Variants in CNTN4 observed in about 807,000 individuals in gnomAD.
The protein encoded by CNTN4 is contactin 4, also known as contactin-4.
A neutral mutation model predicts 122.5 loss-of-function variants in CNTN4; 77 were observed. The observed-to-expected ratio is 0.63, with a 90% CI of 0.52 to 0.76. The LOEUF is 0.76. CNTN4 is among the 30% of genes least tolerant of loss of function. The pLI is 0.00. For synonymous variants in CNTN4, 512 were observed against 447.0 expected (o/e 1.15, Z -1.83); for missense variants, 1,256 against 1,259.1 (o/e 1.00, Z 0.04).
chr3:2,533,020 A>G (rs1310588604), intron 3 of CNTN4, among the ~76,000 whole-genome samples: 4 of 151,996 alleles, frequency 2.6e-5, no homozygotes, highest in African/African-American at 9.7e-5. Flanking sequence ...AAATCTCTAG[A>G]TGTGAATCTT....
At chr3:2,197,127 C>T (rs1033709345) in intron 2 of CNTN4, among the ~76,000 whole-genome samples, 2 of 149,874 alleles carry the variant, frequency 1.3e-5, no homozygotes, top group Non-Finnish European at 3.0e-5. Flanking sequence ...AAGGAAGAAA[C>T]TTTCTTGAAG....
chr3:2,405,685 T>C (rs565521735), intron 3 of CNTN4, among the ~76,000 whole-genome samples: 1 of 152,034 alleles, frequency 6.6e-6, no homozygotes, highest in East Asian at 1.9e-4. Flanking sequence ...AATTAATAAA[T>C]GAATTATAGA....
At position 3,037,299 on chromosome 3, in the gene CNTN4, C is replaced by T. The variant is rs1476197735; in HGVS notation, c.2063C>T (p.Pro688Leu). The change falls in exon 18 of 25, where the codon CCC (proline) becomes CTC (leucine). Residue 688 changes from proline (P) to leucine (L), a missense_variant. By Grantham distance (98) the Pro-to-Leu change is moderately conservative (BLOSUM62 -3). Transcript: ENST00000418658. ...ATTGGGATTGGGGAGCCCAGCCGCC[C>T]CTCAGAGAAACGGAGAACAGAAGAA... ...NVIGIGEPSR[P>L]SEKRRTEEAL... 6.2e-7 allele frequency: 1 copy of T among 1,614,198 alleles called. No homozygotes were observed. The highest frequency in any genetic ancestry group is 2.2e-5 in the East Asian group (1 of 44,886).
chr3:2,659,722 T>C (rs1027205754), intron 4 of CNTN4, among the ~76,000 whole-genome samples: 1 of 152,230 alleles, frequency 6.6e-6, no homozygotes, highest in Admixed American at 6.5e-5. Context: ...TCTTTTCATT[T>C]GTTATGCTTT....
intron 22 of CNTN4, 129 bp from the exon 23 acceptor site, chr3:3,043,463 C>CT: frequency 2.6e-6 from 2 of 771,042 alleles, no homozygotes; most frequent in Admixed American, 4.0e-5. Flanking sequence ...TTTTAGTGAC[C>CT]TTGAAGACAC....
intron 6 of CNTN4, among the ~76,000 whole-genome samples, chr3:2,794,032 A>G (rs1018528265): frequency 1.3e-5 from 2 of 152,194 alleles, no homozygotes; most frequent in African/African-American, 4.8e-5. Flanking sequence ...TGACATTTGT[A>G]GCATAAAGTT....
intron 6 of CNTN4, among the ~76,000 whole-genome samples, chr3:2,806,058 G>A (rs1166172332): frequency 6.6e-6 from 1 of 152,006 alleles, no homozygotes; most frequent in East Asian, 1.9e-4. Flanking sequence ...CCCACCAGCA[G>A]GCCTGGCTAA....
At chr3:2,177,615 G>C (rs2036809598) in intron 2 of CNTN4, among the ~76,000 whole-genome samples, 1 of 151,262 alleles carries the variant, frequency 6.6e-6, no homozygotes, top group Non-Finnish European at 1.5e-5. Context: ...TATATGCCAG[G>C]GCTCTTCAGA....
chr3:2,956,848 G>A (rs1158302715), intron 13 of CNTN4, among the ~76,000 whole-genome samples: 3 of 151,984 alleles, frequency 2.0e-5, no homozygotes, highest in Non-Finnish European at 4.4e-5. Flanking sequence ...GCTTCTACGA[G>A]CTCTACTTTT....
chr3:2,565,571 A>G (rs2079123283), intron 3 of CNTN4, among the ~76,000 whole-genome samples: 1 of 152,206 alleles, frequency 6.6e-6, no homozygotes, highest in Non-Finnish European at 1.5e-5. Context: ...TGTATGGTCA[A>G]TAATCTTTCC....
chr3:2,745,419 C>T (rs1037890800), intron 5 of CNTN4, 103 bp from the exon 6 acceptor site: 3 of 1,001,184 alleles, frequency 3.0e-6, no homozygotes, highest in African/African-American at 3.3e-5. Flanking sequence ...ACAAAAGTCA[C>T]AAATGATTTT....
Position 2,747,148 on chromosome 3 carries a change from G to A in CNTN4, c.358+1451G>A, listed in dbSNP as rs921553220. Reference sequence around the variant, plus strand: ...TATCTGGGCCAGCGCGGTGGCTCACGCCTGTAATCCCAGCATTTTGGGAGG... The same window carrying A: ...TATCTGGGCCAGCGCGGTGGCTCACACCTGTAATCCCAGCATTTTGGGAGG... On this transcript the variant is annotated intron_variant, in intron 6 of 24. Transcript: ENST00000418658. 2.6e-5 allele frequency among the ~76,000 whole-genome samples: 4 copies of A among 151,570 alleles called. No individual in the cohort carries two copies. The East Asian group carries it at 7.8e-4, about 29-fold the overall frequency.
chr3:2,895,214 G>A (rs2094094159), intron 10 of CNTN4, among the ~76,000 whole-genome samples: 1 of 152,046 alleles, frequency 6.6e-6, no homozygotes, highest in Admixed American at 6.6e-5. Flanking sequence ...GACCTCAGAT[G>A]ATCCACCTGC....
intron 3 of CNTN4, among the ~76,000 whole-genome samples, chr3:2,483,044 C>A (rs2076051421): frequency 6.6e-6 from 1 of 152,132 alleles, no homozygotes. Context: ...TACTGTGCAC[C>A]TGGAAAAGCC....
intron 9 of CNTN4, among the ~76,000 whole-genome samples, chr3:2,884,227 C>T (rs1577148941): frequency 6.6e-6 from 1 of 152,134 alleles, no homozygotes; most frequent in African/African-American, 2.4e-5. Flanking sequence ...TCCCTAGCCA[C>T]TGAGCCAGGC....
At chr3:2,103,724 C>T (rs11914383) in intron 2 of CNTN4, among the ~76,000 whole-genome samples, 42 of 54,890 alleles carry the variant, frequency 7.7e-4, no homozygotes, top group African/African-American at 2.2e-3. Context: ...TTTTATTTAT[C>T]TATTTATTTA....
intron 2 of CNTN4, among the ~76,000 whole-genome samples, chr3:2,163,300 A>G (rs2036043757): frequency 6.6e-6 from 1 of 152,212 alleles, no homozygotes; most frequent in Non-Finnish European, 1.5e-5. Context: ...GGCAAGCCAC[A>G]TGTAGAAGAA....
At chr3:2,887,712 C>A (rs1205369674) in intron 10 of CNTN4, among the ~76,000 whole-genome samples, 3 of 152,112 alleles carry the variant, frequency 2.0e-5, no homozygotes, top group African/African-American at 7.2e-5. Context: ...TAGTTCTTAT[C>A]AGAGTGGAAC....
rs988480766 is a variant in CNTN4, at chr3:2,434,355, A to G, written c.-89+95122A>G. On this transcript the variant is annotated intron_variant, in intron 3 of 24. Transcript: ENST00000418658. ...AAATATATCTGTTTAAAAACAAAAA[A>G]GAAAGAAAGACTCTACAAGAAGAGT... 2.6e-5 allele frequency among the ~76,000 whole-genome samples: 4 copies of G among 152,326 alleles called. No homozygotes were observed. In the East Asian group the frequency reaches 7.7e-4, roughly 29 times the overall value.
Sources: allele counts gnomAD v4.1 joint callset (sites outside exome capture counted in the v4.1 genomes callset), GRCh38; gene constraint gnomAD v4.1.1; transcripts MANE v1.5; gene names NCBI Gene and HGNC (gene_info 2026-07-23, HGNC 2026-07-21).